Variants in KCNA3 observed in about 807,000 individuals in gnomAD.
The protein encoded by KCNA3 is RP11-284N8.3.
KCNA3 carries 18 observed loss-of-function variants against 34.3 expected under a neutral mutation model. The observed-to-expected ratio is 0.52, with a 90% CI of 0.36 to 0.78. The LOEUF is 0.78. Among genes scored for constraint, KCNA3 ranks in the 30% least tolerant of loss-of-function variants. The pLI, the probability that KCNA3 is intolerant of heterozygous loss-of-function variation, is 0.00. For synonymous variants in KCNA3, 324 were observed against 351.7 expected (o/e 0.92, Z 0.88); for missense variants, 587 against 802.5 (o/e 0.73, Z 3.24).
the KCNA3 span, among the ~76,000 whole-genome samples, chr1:110,660,971 A>G: frequency 1.2e-4 from 19 of 152,222 alleles, no homozygotes; most frequent in African/African-American, 4.6e-4. Context: ...TTGAATACAT[A>G]AATGGATATA....
the KCNA3 span, among the ~76,000 whole-genome samples, chr1:110,663,038 G>T: frequency 6.6e-6 from 1 of 152,074 alleles, no homozygotes; most frequent in Non-Finnish European, 1.5e-5. Context: ...TCTTATAGAA[G>T]AAATGTATTC....
chr1:110,668,187 C>T (rs1651755815), downstream of KCNA3, among the ~76,000 whole-genome samples: 1 of 152,084 alleles, frequency 6.6e-6, no homozygotes, highest in South Asian at 2.1e-4. Flanking sequence ...AAAATGCAGC[C>T]CTAAATATCC....
chr1:110,667,468 A>C (rs549071747), downstream of KCNA3, among the ~76,000 whole-genome samples: 1 of 152,330 alleles, frequency 6.6e-6, no homozygotes, highest in African/African-American at 2.4e-5. Flanking sequence ...AAATTTATTC[A>C]TAACATTCTT....
At chr1:110,670,496 G>A (rs1027994191), downstream of KCNA3, among the ~76,000 whole-genome samples, 1 of 152,074 alleles carries the variant, frequency 6.6e-6, no homozygotes, top group African/African-American at 2.4e-5. Flanking sequence ...GAATAAAATT[G>A]TCATTGCACT....
chr1:110,653,617 A>G, the KCNA3 span: 2 of 152,228 alleles, frequency 1.3e-5, no homozygotes, highest in African/African-American at 2.4e-5. Flanking sequence ...AACACTTTAA[A>G]TCCAATGAGA....
chr1:110,670,947 A>G (rs542460019), downstream of KCNA3, among the ~76,000 whole-genome samples: 1 of 152,294 alleles, frequency 6.6e-6, no homozygotes, highest in East Asian at 1.9e-4. Context: ...TAGAATAGTT[A>G]TATGCTATTA....
Position 110,673,809 on chromosome 1 carries a change from A to G in KCNA3, c.1001T>C (p.Val334Ala), listed in dbSNP as rs1227180865. ...AGTGATAAAATAAGGAATGATGGCCACAATGTCGATCAGGTTCATGATGTT... is the reference window on the plus strand; with the variant it reads ...AGTGATAAAATAAGGAATGATGGCCGCAATGTCGATCAGGTTCATGATGTT... ...SRNIMNLIDI[V>A]AIIPYFITLG... Residue 334 changes from valine (V) to alanine (A), a missense_variant, in exon 1 of 1, where the codon GTG becomes GCG. Coordinates refer to ENST00000369769, the MANE Select transcript of KCNA3 (RefSeq NM_002232.5). The surrounding 1 kb of genome is among the most constrained non-coding windows in gnomAD (Gnocchi z 8.8). 6.2e-7 allele frequency: 1 copy of G among 1,614,150 alleles called. No individual in the cohort carries two copies. The highest frequency in any genetic ancestry group is 8.5e-7 in the Non-Finnish European group (1 of 1,180,038).
rs938030768 is a variant in KCNA3, at chr1:110,672,875, G to T, written c.*207C>A. On this transcript the variant is annotated 3_prime_UTR_variant, in exon 1 of 1. Coordinates refer to ENST00000369769, the MANE Select transcript of KCNA3 (RefSeq NM_002232.5). Reference sequence around the variant, plus strand: ...AAGAGAGAGAGGGTAAGAGGGAAAAGGAGAGCTGAGAGAATGCAGCCCACT... The same window carrying T: ...AAGAGAGAGAGGGTAAGAGGGAAAATGAGAGCTGAGAGAATGCAGCCCACT... The T allele has an allele frequency of 7.1e-6, 4 of 566,562 alleles. No homozygotes were observed. Among genetic ancestry groups the T allele is most frequent in the Admixed American group, 3.3e-5 (1 of 30,710 alleles). The allele number at this position is 566,562 out of a possible 1,614,324, so 35.1% of individuals were successfully genotyped here.
At chr1:110,663,516 A>G in the KCNA3 span, among the ~76,000 whole-genome samples, 2 of 152,204 alleles carry the variant, frequency 1.3e-5, no homozygotes, top group Admixed American at 6.5e-5. Context: ...TTGCCTGAAA[A>G]TGCAGGGAAA....
chr1:110,659,370 C>T, the KCNA3 span, among the ~76,000 whole-genome samples: 20 of 152,148 alleles, frequency 1.3e-4, no homozygotes, highest in East Asian at 3.8e-4. Context: ...CATTATGAAG[C>T]GAATCCTCCA....
chr1:110,666,539 T>A, the KCNA3 span, among the ~76,000 whole-genome samples: 253 of 152,302 alleles, frequency 1.7e-3, 4 homozygotes, highest in African/African-American at 6.0e-3. Flanking sequence ...ATGCTAAGCC[T>A]TTGAGCCTCT....
Position 110,673,141 on chromosome 1 carries a change from T to C in KCNA3, c.1669A>G (p.Thr557Ala). ...FKTGNSTATC[T>A]TNNNPNSCVN... ...CAAGAGTTGGGATTATTGTTCGTGG[T>C]GCAGGTGGCAGTGGAATTGCCCGTT... Residue 557 changes from threonine (T) to alanine (A), a missense_variant, in exon 1 of 1, where the codon ACC becomes GCC. By Grantham distance (58) the Thr-to-Ala change is moderately conservative. Coordinates refer to ENST00000369769, the MANE Select transcript of KCNA3 (RefSeq NM_002232.5). The surrounding 1 kb of genome is among the most constrained non-coding windows in gnomAD (Gnocchi z 8.8). 6.2e-7 allele frequency: 1 copy of C among 1,614,140 alleles called. No homozygotes were observed. Among genetic ancestry groups the C allele is most frequent in the Non-Finnish European group, 8.5e-7 (1 of 1,180,006 alleles).
At chr1:110,663,645 T>C in the KCNA3 span, among the ~76,000 whole-genome samples, 1 of 152,202 alleles carries the variant, frequency 6.6e-6, no homozygotes, top group Non-Finnish European at 1.5e-5. Flanking sequence ...CATGGCACTA[T>C]CTGCAGTGGT....
At chr1:110,661,199 A>G in the KCNA3 span, among the ~76,000 whole-genome samples, 1 of 152,146 alleles carries the variant, frequency 6.6e-6, no homozygotes, top group South Asian at 2.1e-4. Flanking sequence ...TAAATGCCCA[A>G]AGATGGTGAT....
At position 110,673,038 on chromosome 1, in the gene KCNA3, C is replaced by G. The variant is rs1218447506; in HGVS notation, c.*44G>C. 2 of 1,547,466 alleles carry G rather than the reference C, an allele frequency of 1.3e-6. No individual in the cohort carries two copies. Among genetic ancestry groups the G allele is most frequent in the Non-Finnish European group, 8.8e-7 (1 of 1,140,344 alleles). On this transcript the variant is annotated 3_prime_UTR_variant, in exon 1 of 1. Coordinates refer to ENST00000369769, the MANE Select transcript of KCNA3 (RefSeq NM_002232.5). The surrounding 1 kb of genome is among the most constrained non-coding windows in gnomAD (Gnocchi z 8.8). ...AGGGCATAGGCAGACCAAGGGGGCA[C>G]GTTCCACACAATACTGAGCACAGCA...
chr1:110,665,584 G>A, the KCNA3 span, among the ~76,000 whole-genome samples: 70 of 152,272 alleles, frequency 4.6e-4, no homozygotes, highest in African/African-American at 1.3e-3. Flanking sequence ...GAGACGTCAC[G>A]TAGGCAGGTG....
In KCNA3 at chr1:110,672,972, A is replaced by G. The variant is rs1651941470; in HGVS notation, c.*110T>C. ...AATGAAGTGTGCTTTCCACTTCTTC[A>G]GGTCCTTTCCTTGATGAATGGTCTG... is the stretch of plus-strand genomic sequence containing the variant. On this transcript the variant is annotated 3_prime_UTR_variant, in exon 1 of 1. Coordinates refer to ENST00000369769, the MANE Select transcript of KCNA3 (RefSeq NM_002232.5). 9.2e-7 allele frequency: 1 copy of G among 1,088,170 alleles called. No homozygotes were observed. The highest frequency in any genetic ancestry group is 1.3e-6 in the Non-Finnish European group (1 of 750,674). 67.4% of individuals were successfully genotyped at this position (1,088,170 alleles called of 1,614,324 possible). A position where few individuals can be genotyped will look rare whatever the true frequency, so the allele number is the denominator to read the frequency against.
At chr1:110,666,473 A>G in the KCNA3 span, among the ~76,000 whole-genome samples, 1 of 152,190 alleles carries the variant, frequency 6.6e-6, no homozygotes, top group African/African-American at 2.4e-5. Flanking sequence ...GAAGGGAGAA[A>G]TATAAGCAAA....
chr1:110,657,612 T>G, the KCNA3 span, among the ~76,000 whole-genome samples: 46 of 152,360 alleles, frequency 3.0e-4, no homozygotes, highest in Non-Finnish European at 5.7e-4. Flanking sequence ...CACCATCCTG[T>G]GCTTTTATCA....
Sources: allele counts gnomAD v4.1 joint callset (sites outside exome capture counted in the v4.1 genomes callset), GRCh38; gene constraint gnomAD v4.1.1; non-coding constraint Gnocchi (gnomAD v3.1); transcripts MANE v1.5; gene names NCBI Gene and HGNC (gene_info 2026-07-23, HGNC 2026-07-21).